The following OLA1 variants were observed in gnomAD, a reference collection of about 807,000 sequenced individuals.
The protein encoded by OLA1 is obg-like ATPase 1.
A neutral mutation model predicts 48.4 loss-of-function variants in OLA1; 14 were observed. The ratio of observed to expected loss-of-function variants is 0.29; its 90% CI spans 0.19 to 0.45. The LOEUF is 0.45. Among genes scored for constraint, OLA1 ranks in the 20% least tolerant of loss-of-function variants. The pLI is 1.00. For missense variants in OLA1, 325 were observed against 467.1 expected (o/e 0.70, Z 2.80); for synonymous variants, 127 against 150.4 (o/e 0.84, Z 1.14).
intron 2 of OLA1, among the ~76,000 whole-genome samples, chr2:174,244,714 C>T (rs561719085): frequency 3.9e-5 from 6 of 152,186 alleles, no homozygotes; most frequent in African/African-American, 1.4e-4. Flanking sequence ...ACCTCCACCC[C>T]CCGGGCTCAA....
intron 4 of OLA1, chr2:174,217,887 A>T (rs1472049961): frequency 6.6e-6 from 1 of 152,238 alleles, no homozygotes; most frequent in Non-Finnish European, 1.5e-5. Context: ...ATATAAAATT[A>T]GTCCACATTT....
In OLA1 at chr2:174,072,475, A is replaced by G. The variant is rs1029050990; in HGVS notation, c.*2951T>C. On this transcript the variant is annotated 3_prime_UTR_variant, in exon 11 of 11. Coordinates refer to ENST00000284719, the MANE Select transcript of OLA1 (RefSeq NM_013341.5). ...AACCCAGCTCTTTTATTTTATCACC[A>G]CAGTGTATTTTACAAGCTTAAAATA... The G allele has an allele frequency of 6.6e-6, 1 of 152,210 alleles. No homozygotes were observed. Among genetic ancestry groups the G allele is most frequent in the African/African-American group, 2.4e-5 (1 of 41,454 alleles). The allele number at this position is 152,210 out of a possible 1,614,324, so 9.4% of individuals were successfully genotyped here. A position where few individuals can be genotyped will look rare whatever the true frequency, so the allele number is the denominator to read the frequency against.
chr2:174,244,392 G>A (rs1689081431), intron 2 of OLA1, among the ~76,000 whole-genome samples: 19 of 152,086 alleles, frequency 1.2e-4, no homozygotes, highest in Admixed American at 1.2e-3. Context: ...CACTTATTCT[G>A]AATAATAAAA....
intron 4 of OLA1, among the ~76,000 whole-genome samples, chr2:174,214,731 G>T (rs1234654154): frequency 3.3e-5 from 5 of 152,084 alleles, no homozygotes; most frequent in Non-Finnish European, 7.4e-5. Context: ...AATTTAGTTT[G>T]GTTTAACACA....
intron 4 of OLA1, among the ~76,000 whole-genome samples, chr2:174,162,787 T>A (rs1419641949): frequency 2.0e-5 from 3 of 152,220 alleles, no homozygotes; most frequent in Non-Finnish European, 4.4e-5. Context: ...ACTGCTCCTA[T>A]AATCCCAGCC....
intron 2 of OLA1, among the ~76,000 whole-genome samples, chr2:174,242,461 A>G (rs1407807175): frequency 1.3e-5 from 2 of 152,122 alleles, no homozygotes; most frequent in Admixed American, 6.5e-5. Flanking sequence ...TTCACACGCC[A>G]CAGATCGGTA....
chr2:174,144,946 AAAAAAATATATATATAT>A (rs1235099626), intron 4 of OLA1, among the ~76,000 whole-genome samples: 11 of 76,906 alleles, frequency 1.4e-4, no homozygotes, highest in African/African-American at 4.8e-4. Flanking sequence ...AAAAAAAAAA[AAAAAAATATATATATAT>A]ATATATATAT....
At chr2:174,183,236 C>T (rs773123584) in intron 4 of OLA1, among the ~76,000 whole-genome samples, 4 of 152,092 alleles carry the variant, frequency 2.6e-5, no homozygotes, top group African/African-American at 7.2e-5. Context: ...TACCAAGACC[C>T]GAAGTTAGCA....
chr2:174,088,575 T>C (rs190320381), intron 7 of OLA1, among the ~76,000 whole-genome samples: 85 of 152,350 alleles, frequency 5.6e-4, no homozygotes, highest in African/African-American at 2.0e-3. Flanking sequence ...AACACATCTT[T>C]ACTTTTATTT....
chr2:174,085,776 T>C (rs1317303446), intron 7 of OLA1, among the ~76,000 whole-genome samples: 1 of 152,262 alleles, frequency 6.6e-6, no homozygotes, highest in Non-Finnish European at 1.5e-5. Flanking sequence ...CTAAACATTC[T>C]ATTTGTTTCT....
chr2:174,228,736 A>G (rs1574566651), intron 3 of OLA1, among the ~76,000 whole-genome samples: 1 of 152,192 alleles, frequency 6.6e-6, no homozygotes, highest in East Asian at 1.9e-4. Flanking sequence ...TACATTTTTT[A>G]TGCATATAAA....
intron 2 of OLA1, among the ~76,000 whole-genome samples, chr2:174,242,400 G>A (rs992250798): frequency 6.6e-6 from 1 of 152,212 alleles, no homozygotes; most frequent in Non-Finnish European, 1.5e-5. Flanking sequence ...TGGAGCTAAG[G>A]TGGGAATGCT....
At chr2:174,161,771 CCAAA>C (rs1473729190) in intron 4 of OLA1, among the ~76,000 whole-genome samples, 22 of 150,806 alleles carry the variant, frequency 1.5e-4, no homozygotes, top group Admixed American at 3.3e-4. Flanking sequence ...TCTTAGGTAA[CCAAA>C]CAAAGTAGTC....
At chr2:174,096,722 T>A (rs1685264291) in intron 7 of OLA1, among the ~76,000 whole-genome samples, 1 of 152,204 alleles carries the variant, frequency 6.6e-6, no homozygotes, top group African/African-American at 2.4e-5. Context: ...AGGATTAAAA[T>A]CCCTTGAATA....
At chr2:174,246,275 G>A (rs1213611963) in intron 2 of OLA1, among the ~76,000 whole-genome samples, 1 of 151,592 alleles carries the variant, frequency 6.6e-6, no homozygotes, top group Non-Finnish European at 1.5e-5. Context: ...ATTCCAGCCT[G>A]GGCGACAGAG....
At chr2:174,098,530 A>T (rs1412017608) in intron 7 of OLA1, among the ~76,000 whole-genome samples, 1 of 152,214 alleles carries the variant, frequency 6.6e-6, no homozygotes, top group East Asian at 1.9e-4. Flanking sequence ...GAGTTAATTT[A>T]ATTTCATTAA....
At chr2:174,136,759 C>G (rs1454680340) in intron 5 of OLA1, among the ~76,000 whole-genome samples, 1 of 151,826 alleles carries the variant, frequency 6.6e-6, no homozygotes, top group Non-Finnish European at 1.5e-5. Context: ...GCAACCTCAG[C>G]CTCCCAGGTT....
intron 4 of OLA1, among the ~76,000 whole-genome samples, chr2:174,195,255 G>C (rs999931957): frequency 2.0e-5 from 3 of 151,800 alleles, no homozygotes; most frequent in Non-Finnish European, 4.4e-5. Context: ...AAAAATCACT[G>C]CTGTAATTTT....
intron 4 of OLA1, among the ~76,000 whole-genome samples, chr2:174,179,580 G>GT (rs549886598): frequency 1.6e-4 from 24 of 151,942 alleles, no homozygotes; most frequent in Admixed American, 7.9e-4. Context: ...ACATATAAAG[G>GT]TTTTTAGACA....
Sources: gnomAD v4.1 joint callset for allele counts (sites outside exome capture counted in the v4.1 genomes callset) on GRCh38, gnomAD v4.1.1 for gene constraint, MANE v1.5 for transcripts, NCBI Gene and HGNC (gene_info 2026-07-23, HGNC 2026-07-21) for gene names.